Variants in TRPC5 observed in about 807,000 individuals in gnomAD.
TRPC5 encodes short transient receptor potential channel 5.
Under a neutral mutation model 56.5 loss-of-function variants are expected in TRPC5, and 9 were observed. The observed-to-expected ratio is 0.16, with a 90% CI of 0.10 to 0.28. The LOEUF (loss-of-function observed/expected upper bound fraction) is 0.28, where lower values mean the gene tolerates loss of function less well. TRPC5 is among the 10% of genes least tolerant of loss of function. TRPC5 has a pLI of 1.00. For synonymous variants in TRPC5, 282 were observed against 278.5 expected, an observed-to-expected ratio of 1.01 and a Z score of -0.13; for missense variants, 469 against 748.9, an observed-to-expected ratio of 0.63 and a Z score of 4.36.
At chrX:111,812,650 A>G (rs1281440852) in intron 7 of TRPC5, among the ~76,000 whole-genome samples, 2 of 111,781 alleles carry the variant, frequency 1.8e-5, no homozygotes, top group Non-Finnish European at 3.8e-5. Flanking sequence ...CACAGAATAC[A>G]ATTGGAGTAC....
At chrX:111,899,473 G>A (rs922056098) in intron 3 of TRPC5, among the ~76,000 whole-genome samples, 2 of 111,344 alleles carry the variant, frequency 1.8e-5, no homozygotes, top group African/African-American at 3.3e-5. Flanking sequence ...GATAGAGAGG[G>A]TGTGAAATAG....
In TRPC5 at chrX:111,952,381, A is replaced by G. The variant is rs1212984661; in HGVS notation, c.40T>C (p.Tyr14His). The G allele has an allele frequency of 1.7e-6, 2 of 1,210,336 alleles. No individual in the cohort carries two copies. Among genetic ancestry groups the G allele is most frequent in the Admixed American group, 2.2e-5 (1 of 45,870 alleles). ...ATTTGCAGGGGGATGCGGTCTCTGTACGGTGAGTAGTTGACCTTTTTGTAG... is the reference window on the plus strand; with the variant it reads ...ATTTGCAGGGGGATGCGGTCTCTGTGCGGTGAGTAGTTGACCTTTTTGTAG... The part of the protein sequence containing the change: ...LYYKKVNYSP[Y>H]RDRIPLQIVR... The change falls in exon 2 of 11, where the codon TAC becomes CAC. Residue 14 changes from tyrosine (Y) to histidine (H), a missense_variant. Physicochemically the swap from Tyr to His is moderately conservative, Grantham distance 83 (BLOSUM62 2). Coordinates refer to ENST00000262839, the MANE Select transcript of TRPC5 (RefSeq NM_012471.3).
chrX:111,816,631 G>A (rs1460774669), intron 7 of TRPC5, among the ~76,000 whole-genome samples: 1 of 111,937 alleles, frequency 8.9e-6, no homozygotes, highest in Non-Finnish European at 1.9e-5. Context: ...TACCTTCTCT[G>A]TAGTCATCTT....
chrX:112,009,960 C>T (rs945940873), intron 1 of TRPC5, among the ~76,000 whole-genome samples: 1 of 111,265 alleles, frequency 9.0e-6, no homozygotes, highest in Non-Finnish European at 1.9e-5. Flanking sequence ...CAAACCTGCA[C>T]GTTGTGCACA....
At chrX:112,023,501 T>TA (rs1350424791) in intron 1 of TRPC5, among the ~76,000 whole-genome samples, 4 of 108,833 alleles carry the variant, frequency 3.7e-5, no homozygotes, top group Non-Finnish European at 5.7e-5. Context: ...CAGACTACTA[T>TA]AAAAAAAGTA....
chrX:111,806,763 C>T (rs1921526489), intron 7 of TRPC5, among the ~76,000 whole-genome samples: 2 of 111,022 alleles, frequency 1.8e-5, no homozygotes, highest in African/African-American at 3.3e-5. Flanking sequence ...CAAACAGTTA[C>T]CATTTTTTTT....
chrX:111,809,014 G>A (rs371980230), intron 7 of TRPC5, among the ~76,000 whole-genome samples: 1 of 109,716 alleles, frequency 9.1e-6, no homozygotes, highest in Non-Finnish European at 1.9e-5. Context: ...TGGCTGAGCC[G>A]GTATCCAAGT....
chrX:111,917,336 A>G (rs1926006418), intron 2 of TRPC5, among the ~76,000 whole-genome samples: 1 of 112,354 alleles, frequency 8.9e-6, no homozygotes, highest in African/African-American at 3.2e-5. Context: ...TCATCAGTTC[A>G]GGTGAATAGA....
intron 1 of TRPC5, among the ~76,000 whole-genome samples, chrX:112,056,163 A>G (rs1930336888): frequency 9.0e-6 from 1 of 111,641 alleles, no homozygotes; most frequent in South Asian, 3.7e-4. Context: ...TAGCTTGGTA[A>G]GTCTGTGCAG....
At chrX:111,934,875 C>G (rs1413177474) in intron 2 of TRPC5, among the ~76,000 whole-genome samples, 2 of 112,166 alleles carry the variant, frequency 1.8e-5, no homozygotes, top group African/African-American at 6.5e-5. Context: ...ATCTGTTGAT[C>G]GACAAGTTAG....
At chrX:111,839,422 G>A (rs760036934) in intron 6 of TRPC5, among the ~76,000 whole-genome samples, 4 of 112,011 alleles carry the variant, frequency 3.6e-5, no homozygotes, top group Admixed American at 9.5e-5. Flanking sequence ...AAATGACATT[G>A]GGAAAGTTAC....
At chrX:111,842,031 A>G (rs1235470782) in intron 6 of TRPC5, among the ~76,000 whole-genome samples, 1 of 92,696 alleles carries the variant, frequency 1.1e-5, no homozygotes, top group Non-Finnish European at 2.1e-5. Flanking sequence ...CTATTGATCT[A>G]TCTATAGCTC....
At chrX:111,796,819 T>C (rs1004279286) in intron 7 of TRPC5, among the ~76,000 whole-genome samples, 16 of 111,681 alleles carry the variant, frequency 1.4e-4, no homozygotes, top group African/African-American at 5.2e-4. Context: ...CATGGCCTTC[T>C]AGATCCCTAG....
At chrX:111,850,986 G>C (rs1164236312) in intron 5 of TRPC5, among the ~76,000 whole-genome samples, 1 of 111,934 alleles carries the variant, frequency 8.9e-6, no homozygotes, top group Non-Finnish European at 1.9e-5. Context: ...TTAGTCAGCA[G>C]AGTGCCAGAA....
chrX:111,791,019 C>CAAAAAA lies in TRPC5; in HGVS notation c.1897-8887_1897-8882dup, dbSNP rs753897017. Among the ~76,000 whole-genome samples the CAAAAAA allele has an allele frequency of 8.6e-4, 8 of 9,299 alleles. 1 individual carries two copies. The highest frequency in any genetic ancestry group is 1.8e-3 in the Non-Finnish European group (8 of 4,529). The allele number at this position is 9,299 out of a possible 115,157, so 8.1% of individuals were successfully genotyped here. ...TGGGCCACAGAGCAAGACTCCATCT[C>CAAAAAA]AAAAAAAAAAAAAAAAAAAAAAAAA... On this transcript the variant is annotated intron_variant, in intron 7 of 10. Coordinates refer to ENST00000262839, the MANE Select transcript of TRPC5 (RefSeq NM_012471.3).
At chrX:111,939,117 G>GAA (rs1926694404) in intron 2 of TRPC5, among the ~76,000 whole-genome samples, 1 of 111,959 alleles carries the variant, frequency 8.9e-6, no homozygotes, top group African/African-American at 3.3e-5. Flanking sequence ...AATGGATGCT[G>GAA]AAGGTTATCA....
At chrX:111,804,707 T>C (rs865852277) in intron 7 of TRPC5, among the ~76,000 whole-genome samples, 1 of 111,852 alleles carries the variant, frequency 8.9e-6, no homozygotes, top group East Asian at 2.8e-4. Flanking sequence ...GATTTTGTAT[T>C]CTGAGACTTT....
intron 1 of TRPC5, among the ~76,000 whole-genome samples, chrX:111,990,687 G>T (rs1440311894): frequency 9.0e-6 from 1 of 110,921 alleles, no homozygotes; most frequent in Non-Finnish European, 1.9e-5. Context: ...GTTCTCTTCA[G>T]CTCTCTTAAA....
rs1307045442 is a variant in TRPC5, at chrX:111,954,908, C to A, written c.-21-2467G>T. ...GGGGCAATAAAGTTATAAAAATAATCATTAGTTTTGAATACTTAATGTGGC... is the reference window on the plus strand; with the variant it reads ...GGGGCAATAAAGTTATAAAAATAATAATTAGTTTTGAATACTTAATGTGGC... On this transcript the variant is annotated intron_variant, in intron 1 of 10. Transcript: ENST00000262839. Among the ~76,000 whole-genome samples the A allele has an allele frequency of 3.6e-5, 4 of 111,867 alleles. No individual in the cohort carries two copies. In the South Asian group the frequency reaches 1.1e-3, roughly 32 times the overall value.
Sources: gnomAD v4.1 joint callset for allele counts (sites outside exome capture counted in the v4.1 genomes callset) on GRCh38, gnomAD v4.1.1 for gene constraint, MANE v1.5 for transcripts, NCBI Gene and HGNC (gene_info 2026-07-23, HGNC 2026-07-21) for gene names.